SND1: variants seen among roughly 807,000 people sequenced by gnomAD.
The protein encoded by SND1 is staphylococcal nuclease domain-containing protein 1.
SND1 carries 38 observed loss-of-function variants against 121.7 expected under a neutral mutation model. The observed-to-expected ratio is 0.31, with a 90% CI of 0.24 to 0.41. The LOEUF (loss-of-function observed/expected upper bound fraction) is 0.41, where lower values mean the gene tolerates loss of function less well. Ranked by LOEUF, SND1 falls within the 10% of genes least tolerant of loss-of-function variation. SND1 has a pLI of 1.00. For synonymous variants in SND1, 401 were observed against 447.4 expected, an observed-to-expected ratio of 0.90 and a Z score of 1.31; for missense variants, 868 against 1,184.6, an observed-to-expected ratio of 0.73 and a Z score of 3.92.
chr7:127,831,519 AGT>A (rs1469041640), intron 11 of SND1, among the ~76,000 whole-genome samples: 4 of 152,158 alleles, frequency 2.6e-5, no homozygotes, highest in Non-Finnish European at 2.9e-5. Context: ...ATTTGCAGAG[AGT>A]GATGCCCACC....
chr7:127,976,289 T>C (rs1802118999), intron 15 of SND1, among the ~76,000 whole-genome samples: 1 of 152,262 alleles, frequency 6.6e-6, no homozygotes, highest in African/African-American at 2.4e-5. Flanking sequence ...GCTGTCCTTC[T>C]TTTGTGCGGA....
chr7:128,025,773 G>T (rs2043034462), intron 16 of SND1, among the ~76,000 whole-genome samples: 1 of 152,138 alleles, frequency 6.6e-6, no homozygotes, highest in African/African-American at 2.4e-5. Flanking sequence ...CAGCTCTGAG[G>T]ATACTTAAAT....
chr7:127,945,897 T>G (rs1042074758), intron 15 of SND1, among the ~76,000 whole-genome samples: 4 of 152,204 alleles, frequency 2.6e-5, no homozygotes, highest in African/African-American at 9.7e-5. Flanking sequence ...GTTAACTCAC[T>G]TACTAAATAA....
At chr7:127,964,068 G>T (rs1347474024) in intron 15 of SND1, among the ~76,000 whole-genome samples, 3 of 151,452 alleles carry the variant, frequency 2.0e-5, no homozygotes, top group African/African-American at 4.9e-5. Flanking sequence ...AGAAGTGTCT[G>T]TTCATGTCCT....
At chr7:127,727,435 A>T (rs2116402444) in intron 10 of SND1, among the ~76,000 whole-genome samples, 1 of 152,324 alleles carries the variant, frequency 6.6e-6, no homozygotes, top group East Asian at 1.9e-4. Flanking sequence ...AGATTTGTAA[A>T]GGCAAAATGA....
At chr7:127,674,923 C>T (rs1795589982) in intron 1 of SND1, among the ~76,000 whole-genome samples, 1 of 152,132 alleles carries the variant, frequency 6.6e-6, no homozygotes, top group South Asian at 2.1e-4. Flanking sequence ...TTATTTTGGC[C>T]GGGTGCAGTG....
Position 127,887,845 on chromosome 7 carries a change from G to T in SND1, c.1344-57G>T, listed in dbSNP as rs1584642985. 14 of 1,156,846 alleles carry T rather than the reference G, an allele frequency of 1.2e-5. No homozygotes were observed. In the East Asian group the frequency reaches 3.1e-4, roughly 26 times the overall value. The allele number at this position is 1,156,846 out of a possible 1,614,324, so 71.7% of individuals were successfully genotyped here. On this transcript the variant is annotated intron_variant, in intron 12 of 23. Coordinates refer to ENST00000354725, the MANE Select transcript of SND1 (RefSeq NM_014390.4). ...CCAGGTGCTAACTGTTATTATTTCT[G>T]TTGACTGAGCCCCATATGCACTTCT... is the stretch of plus-strand genomic sequence containing the variant.
chr7:128,069,210 GA>G (rs1253519793), intron 16 of SND1, among the ~76,000 whole-genome samples: 3 of 152,196 alleles, frequency 2.0e-5, no homozygotes, highest in African/African-American at 7.2e-5. Context: ...GAGTCAGGGA[GA>G]ATAAAGGAGC....
At chr7:127,947,677 A>T (rs555862595) in intron 15 of SND1, among the ~76,000 whole-genome samples, 3 of 151,738 alleles carry the variant, frequency 2.0e-5, no homozygotes, top group Non-Finnish European at 4.4e-5. Flanking sequence ...CAAAAGGAAG[A>T]CTCTTATTTT....
intron 12 of SND1, chr7:127,858,450 C>T: frequency 1.4e-6 from 1 of 700,652 alleles, no homozygotes. Context: ...CTGTCCTCCT[C>T]TTCCAAGTCT....
In SND1 at chr7:128,092,488, T is replaced by C. The variant is rs529508736; in HGVS notation, c.*430T>C. On this transcript the variant is annotated 3_prime_UTR_variant, in exon 24 of 24. Transcript: ENST00000354725. This position sits in a 1 kb window ranked among gnomAD's most constrained non-coding sequence, Gnocchi z 4.9. ...CCAACTGTTGATTATGTGATTTTTC[T>C]GATACGTCCATTCTCAAATGCCAGT... is the stretch of plus-strand genomic sequence containing the variant. The C allele has an allele frequency of 1.5e-3, 277 of 190,472 alleles. No individual in the cohort carries two copies. The highest frequency in any genetic ancestry group is 5.2e-3 in the African/African-American group (222 of 42,868). The allele number at this position is 190,472 out of a possible 1,614,324, so 11.8% of individuals were successfully genotyped here.
At chr7:127,792,450 T>C (rs1797927760) in intron 10 of SND1, among the ~76,000 whole-genome samples, 1 of 152,178 alleles carries the variant, frequency 6.6e-6, no homozygotes, top group Non-Finnish European at 1.5e-5. Flanking sequence ...CACCAGTTAC[T>C]TTAACAGAGA....
At position 127,682,065 on chromosome 7, in the gene SND1, C is replaced by T. The variant is rs1195946283; in HGVS notation, c.79-4548C>T. On this transcript the variant is annotated intron_variant, in intron 1 of 23. Transcript: ENST00000354725. ...TTTCTGTACCATCCTTTTCTTTGCCCTTAGTATGGCTGGGTTTTTGTATAA... is the reference window on the plus strand; with the variant it reads ...TTTCTGTACCATCCTTTTCTTTGCCTTTAGTATGGCTGGGTTTTTGTATAA... Among the ~76,000 whole-genome samples the T allele has an allele frequency of 2.0e-5, 3 of 152,030 alleles. No individual in the cohort carries two copies. In the Admixed American group the frequency reaches 2.0e-4, roughly 10 times the overall value.
intron 16 of SND1, among the ~76,000 whole-genome samples, chr7:128,022,188 G>C (rs2116965394): frequency 8.5e-6 from 1 of 117,792 alleles, no homozygotes; most frequent in East Asian, 2.6e-4. Context: ...CTGGGCAACA[G>C]AGCAAGACTC....
At chr7:127,838,957 T>G (rs931469641) in intron 11 of SND1, among the ~76,000 whole-genome samples, 1 of 152,228 alleles carries the variant, frequency 6.6e-6, no homozygotes, top group African/African-American at 2.4e-5. Context: ...ATGATACATA[T>G]GTATCTTCCT....
chr7:127,823,271 C>G (rs966569144), intron 11 of SND1, among the ~76,000 whole-genome samples: 7 of 152,158 alleles, frequency 4.6e-5, no homozygotes, highest in Admixed American at 6.5e-5. Context: ...CAGTCTATTG[C>G]GTGTCCCTCT....
intron 14 of SND1, among the ~76,000 whole-genome samples, chr7:127,921,595 A>G (rs1477989689): frequency 6.6e-6 from 1 of 152,344 alleles, no homozygotes; most frequent in Admixed American, 6.5e-5. Flanking sequence ...ATTTATATAC[A>G]GTAAAATGTT....
chr7:127,653,196 T>C (rs577980223), intron 1 of SND1, among the ~76,000 whole-genome samples: 1 of 152,346 alleles, frequency 6.6e-6, no homozygotes, highest in South Asian at 2.1e-4. Context: ...TGATTTTATA[T>C]ACCCTCAACT....
intron 9 of SND1, chr7:127,718,730 T>A (rs1467173837): frequency 1.0e-6 from 1 of 985,302 alleles, no homozygotes; most frequent in Non-Finnish European, 1.2e-6. Context: ...CATCCTTAGA[T>A]CTTCATGTTC....
Sources: allele counts gnomAD v4.1 joint callset (sites outside exome capture counted in the v4.1 genomes callset), GRCh38; gene constraint gnomAD v4.1.1; non-coding constraint Gnocchi (gnomAD v3.1); transcripts MANE v1.5; gene names NCBI Gene and HGNC (gene_info 2026-07-23, HGNC 2026-07-21).